The following GRIA3 variants were observed in gnomAD, a reference collection of about 807,000 sequenced individuals.
GRIA3 encodes the protein glutamate ionotropic receptor AMPA type subunit 3.
A neutral mutation model predicts 63.0 loss-of-function variants in GRIA3; 3 were observed. The observed-to-expected ratio is 0.05, with a 90% CI of 0.02 to 0.12. The LOEUF is 0.12. Among genes scored for constraint, GRIA3 ranks in the 10% least tolerant of loss-of-function variants. GRIA3 has a pLI of 1.00. For missense variants in GRIA3, 347 were observed against 700.9 expected, an observed-to-expected ratio of 0.50 and a Z score of 5.70; for synonymous variants, 274 against 257.9, an observed-to-expected ratio of 1.06 and a Z score of -0.60.
chrX:123,202,773 T>C (rs1927780711), intron 2 of GRIA3: 1 of 1,165,565 alleles, frequency 8.6e-7, no homozygotes, highest in African/African-American at 1.8e-5. Flanking sequence ...CTGGGCCTAT[T>C]GTATCTGGGG....
intron 2 of GRIA3, among the ~76,000 whole-genome samples, chrX:123,218,162 G>A (rs760016392): frequency 6.8e-4 from 76 of 112,363 alleles, no homozygotes; most frequent in Non-Finnish European, 1.3e-3. Context: ...GCATCAGCTT[G>A]TATGCCTGGC....
At chrX:123,325,132 G>A (rs917473808) in intron 3 of GRIA3, among the ~76,000 whole-genome samples, 2 of 111,883 alleles carry the variant, frequency 1.8e-5, no homozygotes, top group African/African-American at 6.5e-5. Context: ...TTCAGATATG[G>A]ATTCAAACCA....
chrX:123,264,251 G>T (rs779901289), intron 3 of GRIA3, among the ~76,000 whole-genome samples: 1 of 112,217 alleles, frequency 8.9e-6, no homozygotes, highest in Non-Finnish European at 1.9e-5. Context: ...GGAGCATTCT[G>T]TCTGGTTTCA....
intron 4 of GRIA3, among the ~76,000 whole-genome samples, chrX:123,340,147 C>T (rs1188200993): frequency 8.9e-6 from 1 of 112,190 alleles, no homozygotes; most frequent in Non-Finnish European, 1.9e-5. Flanking sequence ...TATGGGTTCA[C>T]CTGAATAGGT....
chrX:123,426,256 A>C (rs975701122), intron 11 of GRIA3, among the ~76,000 whole-genome samples: 2 of 111,954 alleles, frequency 1.8e-5, no homozygotes, highest in African/African-American at 6.5e-5. Flanking sequence ...TCATTTCTGC[A>C]GACAGAGCCA....
At chrX:123,429,412 C>T (rs941249633) in intron 12 of GRIA3, among the ~76,000 whole-genome samples, 10 of 111,819 alleles carry the variant, frequency 8.9e-5, no homozygotes, top group African/African-American at 2.9e-4. Flanking sequence ...CTCACCTATA[C>T]CACCTGTTTA....
intron 3 of GRIA3, among the ~76,000 whole-genome samples, chrX:123,270,804 T>A (rs1279335116): frequency 8.9e-6 from 1 of 112,699 alleles, no homozygotes; most frequent in African/African-American, 3.2e-5. Context: ...CAACAAAGTG[T>A]AACTATTAAT....
At chrX:123,284,321 A>G (rs1301692822) in intron 3 of GRIA3, among the ~76,000 whole-genome samples, 1 of 112,040 alleles carries the variant, frequency 8.9e-6, no homozygotes, top group Non-Finnish European at 1.9e-5. Context: ...TGAAAATTCC[A>G]AAAACCAGAA....
intron 11 of GRIA3, among the ~76,000 whole-genome samples, chrX:123,422,003 G>A (rs1800710574): frequency 8.9e-6 from 1 of 111,744 alleles, no homozygotes; most frequent in Admixed American, 9.5e-5. Flanking sequence ...GAGGTTTTCA[G>A]AGGCAACAGT....
intron 12 of GRIA3, among the ~76,000 whole-genome samples, chrX:123,440,832 C>T (rs1036768877): frequency 8.9e-6 from 1 of 112,251 alleles, no homozygotes; most frequent in Non-Finnish European, 1.9e-5. Context: ...GTTGTGATTG[C>T]TTCTGGTGTG....
intron 3 of GRIA3, among the ~76,000 whole-genome samples, chrX:123,313,553 C>T (rs762081247): frequency 9.0e-6 from 1 of 111,283 alleles, no homozygotes; most frequent in East Asian, 2.8e-4. Flanking sequence ...ACTTCCTTCC[C>T]CCTTTTCCTT....
intron 6 of GRIA3, among the ~76,000 whole-genome samples, chrX:123,396,429 C>G (rs979187291): frequency 9.1e-6 from 1 of 110,264 alleles, no homozygotes; most frequent in Non-Finnish European, 1.9e-5. Flanking sequence ...AAGCCACTTA[C>G]TAGTTAAATG....
intron 2 of GRIA3, among the ~76,000 whole-genome samples, chrX:123,201,556 T>C (rs1927741708): frequency 9.0e-6 from 1 of 110,600 alleles, no homozygotes; most frequent in African/African-American, 3.3e-5. Context: ...CTTAATGTTA[T>C]ATTTAAGAAA....
chrX:123,293,887 A>G (rs1252920142), intron 3 of GRIA3, among the ~76,000 whole-genome samples: 1 of 110,345 alleles, frequency 9.1e-6, no homozygotes, highest in African/African-American at 3.3e-5. Context: ...TGAGGCATAG[A>G]GTTTAAGTCA....
intron 4 of GRIA3, among the ~76,000 whole-genome samples, chrX:123,345,867 C>T (rs915292831): frequency 9.0e-6 from 1 of 110,555 alleles, no homozygotes; most frequent in Non-Finnish European, 1.9e-5. Flanking sequence ...ATATGACCTG[C>T]GCCTTGAGGG....
intron 5 of GRIA3, among the ~76,000 whole-genome samples, chrX:123,377,023 C>T (rs1485754767): frequency 9.4e-6 from 1 of 106,894 alleles, no homozygotes; most frequent in African/African-American, 3.4e-5. Context: ...GAAGCTCCGC[C>T]TCCCGGGTTC....
At chrX:123,267,135 T>C (rs1276994803) in intron 3 of GRIA3, among the ~76,000 whole-genome samples, 1 of 112,071 alleles carries the variant, frequency 8.9e-6, no homozygotes, top group African/African-American at 3.2e-5. Flanking sequence ...TATTTGTAAA[T>C]TGAATAACTG....
chrX:123,463,753 GAGAGAAAGAAAGA>G (rs2045817974), intron 12 of GRIA3, among the ~76,000 whole-genome samples: 15 of 98,110 alleles, frequency 1.5e-4, no homozygotes, highest in Admixed American at 1.0e-3. Flanking sequence ...GAAAGAAAAA[GAGAGAAAGAAAGA>G]AGAGAAAGAA....
chrX:123,261,185 A>C (rs1336526511), intron 3 of GRIA3, among the ~76,000 whole-genome samples: 2 of 111,124 alleles, frequency 1.8e-5, no homozygotes, highest in African/African-American at 6.5e-5. Context: ...AAAGACATTA[A>C]ACTACCCTTT....
Sources: gnomAD v4.1 joint callset for allele counts (sites outside exome capture counted in the v4.1 genomes callset) on GRCh38, gnomAD v4.1.1 for gene constraint, MANE v1.5 for transcripts, NCBI Gene and HGNC (gene_info 2026-07-23, HGNC 2026-07-21) for gene names.